The following NUS1 variants were observed in gnomAD, a reference collection of about 807,000 sequenced individuals.
NUS1 encodes NUS1 dehydrodolichyl diphosphate synthase subunit.
For missense variants in NUS1, 292 were observed against 382.9 expected (o/e 0.76, Z 1.98); for synonymous variants, 135 against 155.2 (o/e 0.87, Z 0.97).
chr6:117,705,522 A>G (rs1773488355), intron 4 of NUS1, among the ~76,000 whole-genome samples: 2 of 152,198 alleles, frequency 1.3e-5, no homozygotes, highest in Admixed American at 1.3e-4. Flanking sequence ...GTACATGTCT[A>G]TGATAGCTAT....
At position 117,693,126 on chromosome 6, in the gene NUS1, A is replaced by G; in HGVS notation, c.500A>G (p.Tyr167Cys). ...CTTCTGGGCCTAGATTGTTCAAAAT[A>G]CTCACCAGAATTTGCAAATAGTAAT... The part of the protein sequence containing the change: ...QELLGLDCSK[Y>C]SPEFANSNDK... Residue 167 changes from tyrosine to cysteine, a missense_variant, in exon 2 of 5, where the codon TAC (tyrosine) becomes TGC (cysteine). By Grantham distance (194) the Tyr-to-Cys change is radical (BLOSUM62 -2). Transcript: ENST00000368494. 1.9e-6 allele frequency: 3 copies of G among 1,612,788 alleles called. No homozygotes were observed. The highest frequency in any genetic ancestry group is 2.5e-6 in the Non-Finnish European group (3 of 1,179,054).
At chr6:117,703,584 G>A in intron 3 of NUS1, 21 bp from the exon 4 acceptor site, 7 of 1,547,694 alleles carry the variant, frequency 4.5e-6, no homozygotes, top group Non-Finnish European at 6.3e-6. Flanking sequence ...TTAAGTTCAT[G>A]TGTATTTATT....
In NUS1 at chr6:117,710,313, C is replaced by T. The variant is rs1044818016; in HGVS notation, c.*3298C>T. On this transcript the variant is annotated 3_prime_UTR_variant, in exon 5 of 5. Transcript: ENST00000368494. ...GCAAATAACTGCTTACTAGGAACTT[C>T]CTTTAGCAAAAATTACTATAAAGTT... The T allele has an allele frequency of 2.6e-5, 4 of 151,964 alleles. No homozygotes were observed. Among genetic ancestry groups the T allele is most frequent in the African/African-American group, 7.2e-5 (3 of 41,396 alleles). The allele number at this position is 151,964 out of a possible 1,614,324, so 9.4% of individuals were successfully genotyped here.
chr6:117,687,877 T>C (rs1037047397), intron 1 of NUS1, among the ~76,000 whole-genome samples: 1 of 152,096 alleles, frequency 6.6e-6, no homozygotes, highest in African/African-American at 2.4e-5. Flanking sequence ...CTAGCAGTAC[T>C]TAATAGAAGG....
intron 3 of NUS1, among the ~76,000 whole-genome samples, chr6:117,695,358 AC>A (rs574822681): frequency 4.5e-4 from 69 of 152,190 alleles, no homozygotes; most frequent in Non-Finnish European, 8.7e-4. Flanking sequence ...ACTTTTGTTG[AC>A]TACTTGCTTC....
chr6:117,676,212 GAGGA>G (rs1488098562), intron 1 of NUS1, 127 bp downstream of exon 1: 3 of 1,394,346 alleles, frequency 2.2e-6, no homozygotes, highest in East Asian at 2.5e-5. Context: ...TAGCGCTTTC[GAGGA>G]AGGGAGATCA....
chr6:117,692,134 G>A (rs1773231682), intron 1 of NUS1, among the ~76,000 whole-genome samples: 1 of 152,052 alleles, frequency 6.6e-6, no homozygotes, highest in African/African-American at 2.4e-5. Flanking sequence ...ATTCTACAAA[G>A]AGAACTGGTT....
chr6:117,706,559 T>G (rs1394231690), intron 4 of NUS1, among the ~76,000 whole-genome samples: 4 of 152,230 alleles, frequency 2.6e-5, no homozygotes, highest in Non-Finnish European at 5.9e-5. Context: ...TGTGTCCTTG[T>G]CATCTCATTG....
chr6:117,681,197 A>C (rs1482465168), intron 1 of NUS1, among the ~76,000 whole-genome samples: 2 of 152,140 alleles, frequency 1.3e-5, no homozygotes, highest in African/African-American at 4.8e-5. Context: ...TATATCTCTG[A>C]ATCTCCTCAG....
intron 1 of NUS1, among the ~76,000 whole-genome samples, chr6:117,677,576 T>G (rs974828296): frequency 3.3e-5 from 5 of 152,202 alleles, no homozygotes; most frequent in African/African-American, 1.2e-4. Context: ...TTGGTAAATT[T>G]AAGTGCAGGG....
chr6:117,677,251 CAAG>C (rs1246068350), intron 1 of NUS1, among the ~76,000 whole-genome samples: 1 of 152,090 alleles, frequency 6.6e-6, no homozygotes, highest in Non-Finnish European at 1.5e-5. Flanking sequence ...TGGTTAATAA[CAAG>C]AAGTGTTGAG....
intron 4 of NUS1, among the ~76,000 whole-genome samples, chr6:117,705,277 T>A (rs1238577281): frequency 6.6e-6 from 1 of 152,150 alleles, no homozygotes; most frequent in Admixed American, 6.5e-5. Context: ...TTCAAGTCAT[T>A]TCAGGTTGTC....
At chr6:117,692,185 T>TTA (rs1015140740) in intron 1 of NUS1, among the ~76,000 whole-genome samples, 2 of 152,090 alleles carry the variant, frequency 1.3e-5, no homozygotes, top group African/African-American at 4.8e-5. Context: ...TATATATTTA[T>TTA]TATATATATG....
chr6:117,683,603 A>G lies in NUS1; in HGVS notation c.415+7518A>G, dbSNP rs1773094263. On this transcript the variant is annotated intron_variant, in intron 1 of 4. Transcript: ENST00000368494. ...ATTACTTTAATTCCATAACCAGTGA[A>G]GTGCTTAATAATGAGGAGAGATTGT... 1.3e-5 allele frequency among the ~76,000 whole-genome samples: 2 copies of G among 152,126 alleles called. 1 individual carries two copies. Among genetic ancestry groups the G allele is most frequent in the South Asian group, 4.1e-4 (2 of 4,830 alleles).
Position 117,693,826 on chromosome 6 carries a change from A to G in NUS1, c.542-205A>G, listed in dbSNP as rs62431964. On this transcript the variant is annotated intron_variant, in intron 2 of 4. Coordinates refer to ENST00000368494, the MANE Select transcript of NUS1 (RefSeq NM_138459.5). The stretch of plus-strand genomic sequence containing the variant: ...AAGAAGGCAGTGTATAAATATATAC[A>G]TGGATGTGATTTGGGATATATGGAT... Among the ~76,000 whole-genome samples the G allele has an allele frequency of 0.06, 9,163 of 152,264 alleles. 345 individuals carry two copies. The highest frequency in any genetic ancestry group is 0.086 in the African/African-American group (3,559 of 41,556).
intron 1 of NUS1, among the ~76,000 whole-genome samples, chr6:117,677,755 C>T (rs1026094655): frequency 6.6e-6 from 1 of 152,152 alleles, no homozygotes; most frequent in Non-Finnish European, 1.5e-5. Context: ...CAGAGACTGA[C>T]ATTTATGGAA....
rs1773534440 is a variant in NUS1 at position 117,708,678 on chromosome 6, T to C, written c.*1663T>C. On this transcript the variant is annotated 3_prime_UTR_variant, in exon 5 of 5. Transcript: ENST00000368494. The stretch of plus-strand genomic sequence containing the variant: ...TGTTTTAATTTATTACTGAGAGTTT[T>C]GTGTGAAGCTACAGCATATCTAACC... The C allele has an allele frequency of 6.6e-6, 1 of 152,490 alleles. No homozygotes were observed. The highest frequency in any genetic ancestry group is 2.4e-5 in the African/African-American group (1 of 41,436). The allele number at this position is 152,490 out of a possible 1,614,324, so 9.4% of individuals were successfully genotyped here.
In NUS1 at chr6:117,707,410, A is replaced by C. The variant is rs1025104183; in HGVS notation, c.*395A>C. 2 of 169,622 alleles carry C rather than the reference A, an allele frequency of 1.2e-5. No individual in the cohort carries two copies. The highest frequency in any genetic ancestry group is 2.5e-5 in the Non-Finnish European group (2 of 80,618). 10.5% of individuals were successfully genotyped at this position (169,622 alleles called of 1,614,324 possible). ...TCTGGTTGTGTTTGGCGGGAGGGGA[A>C]TAATTTTTGTTCAGTCCTTCTTAGT... On this transcript the variant is annotated 3_prime_UTR_variant, in exon 5 of 5. Transcript: ENST00000368494.
rs558753206 is a variant in NUS1, at chr6:117,703,362, A to G, written c.692-243A>G. 3.3e-4 allele frequency among the ~76,000 whole-genome samples: 50 copies of G among 152,258 alleles called. 2 individuals carry two copies. The South Asian group carries it at 0.01, about 31-fold the overall frequency. On this transcript the variant is annotated intron_variant, in intron 3 of 4. Coordinates refer to ENST00000368494, the MANE Select transcript of NUS1 (RefSeq NM_138459.5). ...GTGGGTTACCCTTTCTTATCAGGTA[A>G]TCAATCAAGTTAAACAGACTTTTGA... is the stretch of plus-strand genomic sequence containing the variant.
Sources: gnomAD v4.1 joint callset for allele counts (sites outside exome capture counted in the v4.1 genomes callset) on GRCh38, gnomAD v4.1.1 for gene constraint, MANE v1.5 for transcripts, NCBI Gene and HGNC (gene_info 2026-07-23, HGNC 2026-07-21) for gene names.